UBE2Q2: variants seen among roughly 807,000 people sequenced by gnomAD.
UBE2Q2 encodes the protein ubiquitin-conjugating enzyme E2 Q2.
UBE2Q2 carries 54 observed loss-of-function variants against 59.9 expected under a neutral mutation model. That is an observed-to-expected ratio of 0.90 (90% confidence interval 0.72 to 1.13). The LOEUF (loss-of-function observed/expected upper bound fraction) is 1.13. Ranked by LOEUF, UBE2Q2 falls within the 50% of genes most tolerant of loss-of-function variation. UBE2Q2 has a pLI of 0.00. For missense variants in UBE2Q2, 433 were observed against 441.9 expected, an observed-to-expected ratio of 0.98 and a Z score of 0.18; for synonymous variants, 165 against 155.2, an observed-to-expected ratio of 1.06 and a Z score of -0.47.
chr15:75,845,042 C>A (rs187263895), intron 1 of UBE2Q2, among the ~76,000 whole-genome samples: 5 of 152,122 alleles, frequency 3.3e-5, no homozygotes, highest in Admixed American at 6.5e-5. Flanking sequence ...GTTCTGGGCA[C>A]TAGTGTTGCA....
chr15:75,877,941 CA>C lies in UBE2Q2; in HGVS notation c.674-19del. The C allele has an allele frequency of 6.2e-7, 1 of 1,606,422 alleles. No homozygotes were observed. The highest frequency in any genetic ancestry group is 8.5e-7 in the Non-Finnish European group (1 of 1,174,472). On this transcript the variant is annotated intron_variant, in intron 6 of 12. Coordinates refer to ENST00000267938, the MANE Select transcript of UBE2Q2 (RefSeq NM_173469.4). Reference sequence around the variant, plus strand: ...ATATGATGAAATGAAGAGTAGCTAACATGCTCTATATCTTAACAGGGATTTA... The same window carrying C: ...ATATGATGAAATGAAGAGTAGCTAACTGCTCTATATCTTAACAGGGATTTA...
At chr15:75,845,899 C>T (rs562719568) in intron 1 of UBE2Q2, among the ~76,000 whole-genome samples, 1 of 152,180 alleles carries the variant, frequency 6.6e-6, no homozygotes, top group Non-Finnish European at 1.5e-5. Context: ...GTGAATGAGA[C>T]ACTTTCAGTA....
chr15:75,875,135 T>C (rs941242087), intron 5 of UBE2Q2, among the ~76,000 whole-genome samples: 5 of 152,230 alleles, frequency 3.3e-5, no homozygotes, highest in Non-Finnish European at 1.5e-5. Flanking sequence ...TATAAGTTAC[T>C]GAACACTTTT....
At chr15:75,896,600 A>G (rs1264114707) in intron 11 of UBE2Q2, among the ~76,000 whole-genome samples, 2 of 152,220 alleles carry the variant, frequency 1.3e-5, no homozygotes, top group Admixed American at 6.5e-5. Context: ...CTTATCTGAA[A>G]GTAATATTTT....
intron 8 of UBE2Q2, among the ~76,000 whole-genome samples, chr15:75,881,198 T>C (rs1386080381): frequency 6.6e-6 from 1 of 151,816 alleles, no homozygotes; most frequent in Non-Finnish European, 1.5e-5. Context: ...TTGAATTATA[T>C]GTCCTTATGC....
intron 1 of UBE2Q2, 90 bp from the exon 2 acceptor site, chr15:75,854,296 T>C: frequency 1.1e-6 from 1 of 948,532 alleles, no homozygotes; most frequent in Non-Finnish European, 1.6e-6. Flanking sequence ...TTTAAATCCA[T>C]GGTCATCTTG....
chr15:75,865,802 TTG>T (rs202219493), intron 3 of UBE2Q2, among the ~76,000 whole-genome samples: 130 of 138,180 alleles, frequency 9.4e-4, no homozygotes, highest in Non-Finnish European at 1.2e-3. Context: ...TAATATCTGG[TTG>T]TTTTTTTTTT....
chr15:75,895,904 T>C (rs189888695), intron 11 of UBE2Q2, among the ~76,000 whole-genome samples: 56 of 152,306 alleles, frequency 3.7e-4, no homozygotes, highest in African/African-American at 1.1e-3. Flanking sequence ...TCAGCAGATA[T>C]ACGTACAAGG....
chr15:75,844,398 C>T (rs1253482096), intron 1 of UBE2Q2: 5 of 1,551,462 alleles, frequency 3.2e-6, no homozygotes, highest in South Asian at 1.2e-5. Context: ...AATGCAGACT[C>T]TGGTGCTGTT....
intron 11 of UBE2Q2, among the ~76,000 whole-genome samples, chr15:75,894,560 A>G (rs2141676390): frequency 6.6e-6 from 1 of 152,072 alleles, no homozygotes; most frequent in Non-Finnish European, 1.5e-5. Context: ...CTCTAGTCTG[A>G]GTGACAGAGC....
chr15:75,869,764 T>G (rs1242295600), intron 4 of UBE2Q2, among the ~76,000 whole-genome samples: 3 of 152,194 alleles, frequency 2.0e-5, no homozygotes. Flanking sequence ...GGAGCACATT[T>G]AAATCATAGC....
chr15:75,844,715 T>C lies in UBE2Q2; in HGVS notation c.180+869T>C, dbSNP rs1367766119. 6 of 396,600 alleles carry C rather than the reference T, an allele frequency of 1.5e-5. No individual in the cohort carries two copies. In the East Asian group the frequency reaches 2.2e-4, roughly 15 times the overall value. The allele number at this position is 396,600 out of a possible 1,614,324, so 24.6% of individuals were successfully genotyped here. A position where few individuals can be genotyped will look rare whatever the true frequency, so the allele number is the denominator to read the frequency against. ...TCTCCATAAAAGTGTATCGTGAAGC[T>C]ATTCGTCGTGAAATTGATGTAGGAT... On this transcript the variant is annotated intron_variant, in intron 1 of 12. Transcript: ENST00000267938.
At chr15:75,877,498 T>C (rs547886041) in intron 6 of UBE2Q2, among the ~76,000 whole-genome samples, 1 of 151,740 alleles carries the variant, frequency 6.6e-6, no homozygotes, top group South Asian at 2.1e-4. Context: ...AAACAGATAC[T>C]GGGTGGAATT....
intron 12 of UBE2Q2, 65 bp downstream of exon 12, chr15:75,897,126 C>T: frequency 1.1e-6 from 1 of 929,382 alleles, no homozygotes; most frequent in Non-Finnish European, 1.5e-6. Context: ...TTAATACTTA[C>T]CATTTTATTT....
intron 6 of UBE2Q2, 151 bp from the exon 7 acceptor site, chr15:75,877,810 A>G (rs2141631173): frequency 1.9e-6 from 1 of 536,100 alleles, no homozygotes; most frequent in Non-Finnish European, 3.3e-6. Context: ...ACTCAGCTGC[A>G]GTAGTGTAAT....
intron 3 of UBE2Q2, among the ~76,000 whole-genome samples, chr15:75,866,218 G>A (rs1897470050): frequency 6.6e-6 from 1 of 151,820 alleles, no homozygotes; most frequent in Non-Finnish European, 1.5e-5. Context: ...TCTTGCCCAG[G>A]CTAGAGTGCA....
chr15:75,891,297 C>A (rs1567042355), intron 11 of UBE2Q2, among the ~76,000 whole-genome samples: 1 of 152,010 alleles, frequency 6.6e-6, no homozygotes, highest in Non-Finnish European at 1.5e-5. Flanking sequence ...TATTTGTAAA[C>A]AGATGTTTAC....
At chr15:75,870,096 G>A (rs945189143) in intron 4 of UBE2Q2, among the ~76,000 whole-genome samples, 1 of 152,034 alleles carries the variant, frequency 6.6e-6, no homozygotes, top group Non-Finnish European at 1.5e-5. Context: ...TTGAGACAGG[G>A]TCTCACTGTG....
intron 9 of UBE2Q2, among the ~76,000 whole-genome samples, chr15:75,883,732 A>G (rs1322066109): frequency 2.0e-5 from 3 of 152,046 alleles, no homozygotes; most frequent in East Asian, 1.9e-4. Flanking sequence ...TTCCAGGTGA[A>G]GTTGATGCTG....
Sources: gnomAD v4.1 joint callset for allele counts (sites outside exome capture counted in the v4.1 genomes callset) on GRCh38, gnomAD v4.1.1 for gene constraint, MANE v1.5 for transcripts, NCBI Gene and HGNC (gene_info 2026-07-23, HGNC 2026-07-21) for gene names.